Variants in PTAFR observed in about 807,000 individuals in gnomAD.
The protein encoded by PTAFR is platelet activating factor receptor, also known as platelet-activating factor receptor.
PTAFR carries 8 observed loss-of-function variants against 14.7 expected under a neutral mutation model. The ratio of observed to expected loss-of-function variants is 0.54; its 90% CI spans 0.32 to 0.98. The LOEUF (loss-of-function observed/expected upper bound fraction) is 0.98, where lower values mean the gene tolerates loss of function less well. Ranked by LOEUF, PTAFR falls within the 50% of genes least tolerant of loss-of-function variation. The probability of loss-of-function intolerance (pLI) is 0.04; values close to 1 mark genes in which losing one functional copy is unlikely to be tolerated. For missense variants in PTAFR, 337 were observed against 451.2 expected (o/e 0.75, Z 2.29); for synonymous variants, 156 against 176.5 (o/e 0.88, Z 0.92).
rs1467688306 is a variant in PTAFR at position 28,150,678 on chromosome 1, C to T, written c.344G>A (p.Arg115His). The change falls in exon 2 of 2, where the codon CGC becomes CAC. Residue 115 changes from arginine (R) to histidine (H), a missense_variant. Physicochemically the swap from Arg to His is conservative, Grantham distance 29. Coordinates refer to ENST00000373857, the MANE Select transcript of PTAFR (RefSeq NM_000952.5). This position sits in a 1 kb window ranked among gnomAD's most constrained non-coding sequence, Gnocchi z 6.3. ...GATGGGCCGAGTTACTGCCTGGAAG[C>T]GGTTATAAGTGATGACGCCCAGGAA... ...VAFLGVITYN[R>H]FQAVTRPIKT... 3.1e-6 allele frequency: 5 copies of T among 1,613,940 alleles called. No individual in the cohort carries two copies. Among genetic ancestry groups the T allele is most frequent in the East Asian group, 4.5e-5 (2 of 44,896 alleles).
intron 1 of PTAFR, among the ~76,000 whole-genome samples, chr1:28,159,306 T>C (rs1572033439): frequency 6.6e-6 from 1 of 151,438 alleles, no homozygotes; most frequent in African/African-American, 2.4e-5. Flanking sequence ...ACAAGGAGGG[T>C]TCCATGCTTG....
At chr1:28,155,658 G>C (rs894573094) in intron 1 of PTAFR, among the ~76,000 whole-genome samples, 10 of 151,998 alleles carry the variant, frequency 6.6e-5, no homozygotes, top group Non-Finnish European at 1.5e-4. Flanking sequence ...GGAGCCCAGG[G>C]GTTTGAGACC....
intron 1 of PTAFR, among the ~76,000 whole-genome samples, 174 bp from the exon 2 acceptor site, chr1:28,151,233 G>T (rs540033961): frequency 1.3e-4 from 20 of 151,702 alleles, no homozygotes; most frequent in African/African-American, 4.4e-4. Flanking sequence ...AGGCTGGAGT[G>T]CAGTGGCGTG....
intron 1 of PTAFR, among the ~76,000 whole-genome samples, chr1:28,155,536 C>T (rs1646254616): frequency 6.6e-6 from 1 of 152,124 alleles, no homozygotes. Context: ...TGGCCAAGTG[C>T]AACTCATGCT....
intron 1 of PTAFR, among the ~76,000 whole-genome samples, chr1:28,193,465 G>GT (rs2149011050): frequency 6.6e-6 from 1 of 152,154 alleles, no homozygotes; most frequent in East Asian, 1.9e-4. Flanking sequence ...ACGAGGATGT[G>GT]TTTTGTGTGG....
At chr1:28,166,116 A>G (rs1646382439) in intron 1 of PTAFR, among the ~76,000 whole-genome samples, 2 of 152,226 alleles carry the variant, frequency 1.3e-5, no homozygotes, top group African/African-American at 4.8e-5. Flanking sequence ...AGACACATAG[A>G]TCAATGGGAC....
At chr1:28,152,551 T>C (rs138181070) in intron 1 of PTAFR, among the ~76,000 whole-genome samples, 34 of 152,200 alleles carry the variant, frequency 2.2e-4, no homozygotes, top group African/African-American at 7.9e-4. Flanking sequence ...GAGACCAGCC[T>C]GGCCAACATT....
chr1:28,168,653 C>T (rs955319778), intron 1 of PTAFR, among the ~76,000 whole-genome samples: 11 of 152,070 alleles, frequency 7.2e-5, no homozygotes, highest in African/African-American at 2.4e-4. Context: ...TTCAGTCATG[C>T]AAGATGAAAA....
intron 1 of PTAFR, among the ~76,000 whole-genome samples, chr1:28,173,971 G>A (rs1342128716): frequency 1.3e-5 from 2 of 152,172 alleles, no homozygotes; most frequent in African/African-American, 2.4e-5. Flanking sequence ...TGTCTGGCTG[G>A]AGCAGGCCAC....
At chr1:28,176,311 A>G (rs1232886509) in intron 1 of PTAFR, among the ~76,000 whole-genome samples, 1 of 151,802 alleles carries the variant, frequency 6.6e-6, no homozygotes, top group Non-Finnish European at 1.5e-5. Flanking sequence ...GGCGTGGTAG[A>G]GCATGCCTCT....
intron 1 of PTAFR, among the ~76,000 whole-genome samples, chr1:28,170,327 C>T (rs957557529): frequency 8.5e-5 from 13 of 152,184 alleles, no homozygotes; most frequent in South Asian, 2.1e-4. Context: ...CGCTTCCAAA[C>T]TCTCACACCC....
At chr1:28,180,024 G>C (rs1646549574), upstream of PTAFR, among the ~76,000 whole-genome samples, 1 of 151,694 alleles carries the variant, frequency 6.6e-6, no homozygotes, top group Admixed American at 6.6e-5. Flanking sequence ...AAAACAAACA[G>C]AGGGCCAGGC....
At chr1:28,178,458 AC>A (rs1296198876), upstream of PTAFR, among the ~76,000 whole-genome samples, 1 of 151,850 alleles carries the variant, frequency 6.6e-6, no homozygotes, top group East Asian at 1.9e-4. Flanking sequence ...ACGGGGTTTC[AC>A]CATGTTAGCC....
At chr1:28,166,393 G>A (rs937634242) in intron 1 of PTAFR, among the ~76,000 whole-genome samples, 4 of 151,946 alleles carry the variant, frequency 2.6e-5, no homozygotes, top group Non-Finnish European at 5.9e-5. Context: ...GCTTCTTGGC[G>A]GGGTGTGGTG....
intron 1 of PTAFR, among the ~76,000 whole-genome samples, chr1:28,162,386 G>T (rs1294735470): frequency 6.6e-6 from 1 of 152,190 alleles, no homozygotes; most frequent in Non-Finnish European, 1.5e-5. Flanking sequence ...CTACTCCCCA[G>T]ACAGAGCAGC....
At chr1:28,175,032 T>A (rs1646497602) in intron 1 of PTAFR, among the ~76,000 whole-genome samples, 1 of 152,152 alleles carries the variant, frequency 6.6e-6, no homozygotes, top group Non-Finnish European at 1.5e-5. Flanking sequence ...GTTCAAGCAA[T>A]TCTCCTGCCT....
In PTAFR at chr1:28,150,425, G is replaced by A. The variant is rs1360094709; in HGVS notation, c.597C>T (p.Phe199=). The stretch of plus-strand genomic sequence containing the variant: ...CCAGGTTGCAGAAGAGGATGATGAG[G>A]AAGACCAGGAAGAAGCTGAACACGA... The part of the protein sequence containing the change: ...IFIVFSFFLV[F]LIILFCNLVI... Residue 199 remains phenylalanine (F), a synonymous_variant, in exon 2 of 2, where the codon TTC becomes TTT. Transcript: ENST00000373857. This position sits in a 1 kb window ranked among gnomAD's most constrained non-coding sequence, Gnocchi z 6.3. 2 of 1,613,916 alleles carry A rather than the reference G, an allele frequency of 1.2e-6. No homozygotes were observed. Among genetic ancestry groups the A allele is most frequent in the Admixed American group, 3.3e-5 (2 of 59,948 alleles).
chr1:28,172,104 C>T (rs1326919251), intron 1 of PTAFR, among the ~76,000 whole-genome samples: 4 of 152,186 alleles, frequency 2.6e-5, no homozygotes, highest in African/African-American at 4.8e-5. Context: ...CAACCTCCGC[C>T]TCCCAGGTTC....
chr1:28,188,547 C>T (rs533315514), intron 1 of PTAFR, among the ~76,000 whole-genome samples: 3 of 151,988 alleles, frequency 2.0e-5, no homozygotes, highest in Non-Finnish European at 4.4e-5. Context: ...GAGACCAGCA[C>T]GGCCAACGTG....
Sources: gnomAD v4.1 joint callset for allele counts (sites outside exome capture counted in the v4.1 genomes callset) on GRCh38, gnomAD v4.1.1 for gene constraint, Gnocchi (gnomAD v3.1) non-coding constraint, MANE v1.5 for transcripts, NCBI Gene and HGNC (gene_info 2026-07-23, HGNC 2026-07-21) for gene names.